Variants in NWD1 observed in about 807,000 individuals in gnomAD.
NWD1 encodes the protein NACHT domain- and WD repeat-containing protein 1.
In NWD1, 129 loss-of-function variants were observed where a neutral mutation model predicts 135.1. The ratio of observed to expected loss-of-function variants is 0.96; its 90% confidence interval spans 0.83 to 1.11. The LOEUF is 1.11. Among genes scored for constraint, NWD1 ranks in the 50% least tolerant of loss-of-function variants. The pLI, the probability that NWD1 is intolerant of heterozygous loss-of-function variation, is 0.00. For missense variants in NWD1, 1,740 were observed against 1,851.3 expected (o/e 0.94, Z 1.10); for synonymous variants, 773 against 786.0 (o/e 0.98, Z 0.28).
chr19:16,810,482 TCTA>T (rs1479634808), intron 18 of NWD1, among the ~76,000 whole-genome samples: 1 of 140,782 alleles, frequency 7.1e-6, no homozygotes, highest in Non-Finnish European at 1.5e-5. Context: ...GCCTTGTAAG[TCTA>T]GATTAGGCAC....
chr19:16,802,323 G>A (rs73523407), intron 17 of NWD1, among the ~76,000 whole-genome samples: 6,341 of 137,354 alleles, frequency 0.046, 443 homozygotes, highest in African/African-American at 0.15. Context: ...AGCTGGGCAT[G>A]GTGATATTCA....
intron 7 of NWD1, among the ~76,000 whole-genome samples, chr19:16,760,451 G>A (rs971358728): frequency 1.3e-5 from 2 of 151,324 alleles, no homozygotes; most frequent in African/African-American, 4.9e-5. Context: ...GTGGAGATGG[G>A]GTCTCACCAC....
intron 5 of NWD1, 69 bp from the exon 6 acceptor site, chr19:16,749,070 A>C: frequency 8.0e-7 from 1 of 1,253,152 alleles, no homozygotes; most frequent in South Asian, 1.4e-5. Context: ...GTCTCCCAGC[A>C]ACCCCATTTA....
intron 17 of NWD1, among the ~76,000 whole-genome samples, chr19:16,802,141 G>A (rs1036701473): frequency 9.9e-5 from 15 of 151,738 alleles, no homozygotes; most frequent in South Asian, 2.1e-4. Context: ...AAAATTAGCC[G>A]GACGTGGTGG....
intron 1 of NWD1, among the ~76,000 whole-genome samples, chr19:16,722,148 A>G (rs548117164): frequency 6.6e-6 from 1 of 151,242 alleles, no homozygotes; most frequent in Admixed American, 6.6e-5. Flanking sequence ...CAACTAAAAA[A>G]CTAGCTAGGC....
At chr19:16,781,452 C>A (rs976447242) in intron 12 of NWD1, among the ~76,000 whole-genome samples, 13 of 151,972 alleles carry the variant, frequency 8.6e-5, no homozygotes, top group Admixed American at 4.6e-4. Flanking sequence ...CACATCTCTA[C>A]AAAAAATGCA....
chr19:16,752,227 T>C (rs563539984), intron 6 of NWD1, among the ~76,000 whole-genome samples: 1 of 152,108 alleles, frequency 6.6e-6, no homozygotes, highest in South Asian at 2.1e-4. Flanking sequence ...TGTTTTTTTT[T>C]TTTCTCAGCC....
At chr19:16,786,769 TTCG>T (rs1168587733) in intron 12 of NWD1, among the ~76,000 whole-genome samples, 1 of 151,752 alleles carries the variant, frequency 6.6e-6, no homozygotes, top group Non-Finnish European at 1.5e-5. Context: ...CTGGTCTCGA[TTCG>T]AACTCCTGAG....
At chr19:16,765,947 G>C (rs1969205254) in intron 10 of NWD1, among the ~76,000 whole-genome samples, 1 of 150,818 alleles carries the variant, frequency 6.6e-6, no homozygotes. Flanking sequence ...AACCTGGGAG[G>C]CGGAGGTTAC....
At chr19:16,812,870 G>A (rs1347251599) in intron 18 of NWD1, 5 of 780,702 alleles carry the variant, frequency 6.4e-6, no homozygotes, top group African/African-American at 1.7e-5. Context: ...TTTGCTTTTA[G>A]GGCAGGATTG....
intron 6 of NWD1, among the ~76,000 whole-genome samples, chr19:16,751,932 G>A (rs992684334): frequency 6.7e-6 from 1 of 150,160 alleles, no homozygotes; most frequent in African/African-American, 2.4e-5. Context: ...AAAGAGGAAA[G>A]AAGAAAGGAA....
intron 11 of NWD1, among the ~76,000 whole-genome samples, chr19:16,778,604 G>A (rs1969745778): frequency 6.6e-6 from 1 of 151,498 alleles, no homozygotes; most frequent in South Asian, 2.1e-4. Flanking sequence ...CACCTCCTGG[G>A]CTCAAGTCAT....
chr19:16,748,432 T>C (rs1043316338), intron 5 of NWD1, among the ~76,000 whole-genome samples: 1 of 152,152 alleles, frequency 6.6e-6, no homozygotes, highest in African/African-American at 2.4e-5. Flanking sequence ...TGATAGTAAC[T>C]CCATGTTTCA....
intron 18 of NWD1, among the ~76,000 whole-genome samples, chr19:16,814,827 C>T (rs757739414): frequency 6.6e-6 from 1 of 152,156 alleles, no homozygotes; most frequent in Non-Finnish European, 1.5e-5. Flanking sequence ...TCTTAAAAAT[C>T]GCCCTGAGCA....
chr19:16,810,394 C>T (rs369413529), intron 18 of NWD1, among the ~76,000 whole-genome samples: 19 of 148,128 alleles, frequency 1.3e-4, no homozygotes, highest in South Asian at 8.5e-4. Context: ...GCCGAGAACA[C>T]GCCACTACAC....
rs1394139832 is a variant in NWD1 at position 16,765,162 on chromosome 19, T to C, written c.2380T>C (p.Cys794Arg). 1 of 1,614,016 alleles carries C rather than the reference T, an allele frequency of 6.2e-7. No homozygotes were observed. Among genetic ancestry groups the C allele is most frequent in the Non-Finnish European group, 8.5e-7 (1 of 1,180,026 alleles). ...CCTGGTCCGTGAAGCCCTCCAGCTCTGCCGCCCTGCTGTGGAGCTCCGAGG... is the reference window on the plus strand; with the variant it reads ...CCTGGTCCGTGAAGCCCTCCAGCTCCGCCGCCCTGCTGTGGAGCTCCGAGG... The part of the protein sequence containing the change: ...VGLVREALQL[C>R]RPAVELRGME... The change falls in exon 10 of 19, where the codon TGC becomes CGC. Residue 794 changes from cysteine to arginine, a missense_variant. Coordinates refer to ENST00000524140, the MANE Select transcript of NWD1 (RefSeq NM_001007525.5).
intron 1 of NWD1, among the ~76,000 whole-genome samples, chr19:16,723,065 A>AT (rs2122655949): frequency 6.6e-6 from 1 of 151,872 alleles, no homozygotes; most frequent in East Asian, 1.9e-4. Context: ...ATCTTATTTT[A>AT]TTTTTTGAGG....
At position 16,761,657 on chromosome 19, in the gene NWD1, C is replaced by T. The variant is rs189670770; in HGVS notation, c.1974-322C>T. Among the ~76,000 whole-genome samples the T allele has an allele frequency of 1.1e-4, 17 of 152,252 alleles. No homozygotes were observed. In the Middle Eastern group the frequency reaches 0.014, roughly 123 times the overall value. On this transcript the variant is annotated intron_variant, in intron 7 of 18. Transcript: ENST00000524140. ...GGATCACAGGCATGAGCCACTGCAC[C>T]CAGCCTGAACACCTGTTTCTTAATT...
At chr19:16,754,113 C>G (rs1442678691) in intron 6 of NWD1, among the ~76,000 whole-genome samples, 1 of 150,458 alleles carries the variant, frequency 6.6e-6, no homozygotes, top group Non-Finnish European at 1.5e-5. Flanking sequence ...ATCTATTCAT[C>G]TATCTATCCA....
Sources: allele counts gnomAD v4.1 joint callset (sites outside exome capture counted in the v4.1 genomes callset), GRCh38; gene constraint gnomAD v4.1.1; transcripts MANE v1.5; gene names NCBI Gene and HGNC (gene_info 2026-07-23, HGNC 2026-07-21).